Variants in DOCK3 observed in about 807,000 individuals in gnomAD.
DOCK3 encodes the protein dedicator of cytokinesis protein 3.
A neutral mutation model predicts 265.6 loss-of-function variants in DOCK3; 60 were observed. That is an observed-to-expected ratio of 0.23 (90% CI 0.18 to 0.28). The LOEUF (loss-of-function observed/expected upper bound fraction) is 0.28. Among genes scored for constraint, DOCK3 ranks in the 10% least tolerant of loss-of-function variants. The pLI is 1.00. For missense variants in DOCK3, 1,981 were observed against 2,594.3 expected (o/e 0.76, Z 5.14); for synonymous variants, 881 against 938.0 (o/e 0.94, Z 1.11).
rs1311210328 is a variant in DOCK3 at position 51,116,130 on chromosome 3, CT to C, written c.746+25752del. Among the ~76,000 whole-genome samples the C allele has an allele frequency of 2.0e-5, 3 of 152,012 alleles. No individual in the cohort carries two copies. The East Asian group carries it at 5.8e-4, about 29-fold the overall frequency. ...TAGAATTGTCTTGGCTATATGGGCTCTTTTTTGGTTCCATATGAAACTTAAA... is the reference window on the plus strand; with the variant it reads ...TAGAATTGTCTTGGCTATATGGGCTCTTTTTGGTTCCATATGAAACTTAAA... On this transcript the variant is annotated intron_variant, in intron 9 of 52. Coordinates refer to ENST00000266037, the MANE Select transcript of DOCK3 (RefSeq NM_004947.5).
chr3:50,874,856 T>C (rs1466515339), intron 3 of DOCK3, among the ~76,000 whole-genome samples: 1 of 152,152 alleles, frequency 6.6e-6, no homozygotes, highest in Non-Finnish European at 1.5e-5. Context: ...TTTAGGTTTC[T>C]CTAAATATAA....
chr3:50,801,659 G>A (rs1249522392), intron 2 of DOCK3, among the ~76,000 whole-genome samples: 1 of 152,154 alleles, frequency 6.6e-6, no homozygotes, highest in Non-Finnish European at 1.5e-5. Flanking sequence ...CTGATGAGGA[G>A]AATGTGTATT....
At chr3:50,820,812 C>A (rs1449561497) in intron 2 of DOCK3, among the ~76,000 whole-genome samples, 1 of 147,638 alleles carries the variant, frequency 6.8e-6, no homozygotes, top group African/African-American at 2.5e-5. Flanking sequence ...TTCTCCACAG[C>A]CTTGCTGGCA....
intron 1 of DOCK3, among the ~76,000 whole-genome samples, chr3:50,689,923 T>A (rs1057037682): frequency 9.9e-5 from 15 of 152,198 alleles, no homozygotes; most frequent in African/African-American, 3.4e-4. Context: ...TGTGGTTGTC[T>A]TTTCACTCAC....
At chr3:51,253,484 C>T (rs912376009) in intron 22 of DOCK3, among the ~76,000 whole-genome samples, 25 of 152,128 alleles carry the variant, frequency 1.6e-4, no homozygotes, top group African/African-American at 3.9e-4. Context: ...GCTGTGAATA[C>T]GTCTAGTCCT....
intron 19 of DOCK3, among the ~76,000 whole-genome samples, chr3:51,233,358 CTATT>C (rs771753831): frequency 7.2e-4 from 44 of 61,172 alleles, no homozygotes; most frequent in Middle Eastern, 8.3e-3. Flanking sequence ...ATCTATCTAT[CTATT>C]TATTTATTTA....
chr3:51,109,304 A>T (rs766902583), intron 9 of DOCK3, among the ~76,000 whole-genome samples: 8 of 152,192 alleles, frequency 5.3e-5, no homozygotes, highest in Non-Finnish European at 7.3e-5. Context: ...TTAAGGTGGA[A>T]ATCAAGTTCT....
At chr3:51,159,438 T>A (rs2086022465) in intron 11 of DOCK3, 134 bp downstream of exon 11, 1 of 751,088 alleles carries the variant, frequency 1.3e-6, no homozygotes, top group South Asian at 2.1e-5. Context: ...CCAGCTTGTA[T>A]TGAAGCTATA....
chr3:50,962,065 A>G (rs950922409), intron 5 of DOCK3, among the ~76,000 whole-genome samples: 8 of 151,886 alleles, frequency 5.3e-5, no homozygotes, highest in African/African-American at 1.7e-4. Flanking sequence ...GGTTTGTTAC[A>G]TAGGTATACA....
At position 51,000,141 on chromosome 3, in the gene DOCK3, T is replaced by G. The variant is rs2078424144; in HGVS notation, c.316-64307T>G. Reference sequence around the variant, plus strand: ...ATGTCCTAATTTCCCATGGAATCTTTCTCAGGTTTTTGCTTCTGGACCTTG... The same window carrying G: ...ATGTCCTAATTTCCCATGGAATCTTGCTCAGGTTTTTGCTTCTGGACCTTG... On this transcript the variant is annotated intron_variant, in intron 5 of 52. Transcript: ENST00000266037. Among the ~76,000 whole-genome samples, 3 of 152,194 alleles carry G rather than the reference T, an allele frequency of 2.0e-5. No homozygotes were observed. The South Asian group carries it at 6.2e-4, about 31-fold the overall frequency.
chr3:50,702,340 A>G (rs1253859076), intron 1 of DOCK3, among the ~76,000 whole-genome samples: 4 of 151,912 alleles, frequency 2.6e-5, no homozygotes, highest in Non-Finnish European at 5.9e-5. Flanking sequence ...TAGCTGGTTC[A>G]TTAGTGGCAT....
At chr3:51,134,549 CTG>C (rs376004314) in intron 9 of DOCK3, among the ~76,000 whole-genome samples, 1 of 152,150 alleles carries the variant, frequency 6.6e-6, no homozygotes, top group African/African-American at 2.4e-5. Context: ...CTCAAACAAA[CTG>C]TGTGCCTCCA....
At chr3:51,162,595 T>C (rs2086192060) in intron 12 of DOCK3, among the ~76,000 whole-genome samples, 1 of 152,222 alleles carries the variant, frequency 6.6e-6, no homozygotes, top group Admixed American at 6.5e-5. Flanking sequence ...CTGTATTCCT[T>C]CCAAGGGCAA....
chr3:51,296,520 G>T, intron 27 of DOCK3, among the ~76,000 whole-genome samples: 1 of 147,000 alleles, frequency 6.8e-6, no homozygotes, highest in Non-Finnish European at 1.5e-5. Context: ...TCTGTTGCCT[G>T]GGCTGGAGTG....
At chr3:51,331,191 ATCT>A (rs1290516136) in intron 33 of DOCK3, among the ~76,000 whole-genome samples, 1 of 152,196 alleles carries the variant, frequency 6.6e-6, no homozygotes, top group Non-Finnish European at 1.5e-5. Context: ...GAGGGCCCAG[ATCT>A]TCTAATTTAA....
chr3:50,845,180 G>A (rs2046022209), intron 3 of DOCK3, among the ~76,000 whole-genome samples: 11 of 152,010 alleles, frequency 7.2e-5, no homozygotes, highest in Admixed American at 7.2e-4. Context: ...CCGAGATCTC[G>A]TGGACAACAA....
intron 4 of DOCK3, among the ~76,000 whole-genome samples, chr3:50,921,948 C>T (rs574356129): frequency 7.2e-5 from 11 of 152,288 alleles, no homozygotes; most frequent in East Asian, 3.9e-4. Flanking sequence ...TGGCTGTATT[C>T]GGTGTCAGTC....
intron 6 of DOCK3, 50 bp downstream of exon 6, chr3:51,064,646 C>T (rs902526952): frequency 1.3e-6 from 2 of 1,599,378 alleles, no homozygotes; most frequent in African/African-American, 2.7e-5. Context: ...TATGATAACT[C>T]AGTCTTCAGG....
chr3:51,260,083 C>T (rs896114649), intron 22 of DOCK3, 73 bp from the exon 23 acceptor site: 25 of 1,468,504 alleles, frequency 1.7e-5, no homozygotes, highest in Non-Finnish European at 1.9e-5. Context: ...TTACTTTGCC[C>T]CTTGTTTCCT....
Sources: gnomAD v4.1 joint callset for allele counts (sites outside exome capture counted in the v4.1 genomes callset) on GRCh38, gnomAD v4.1.1 for gene constraint, MANE v1.5 for transcripts, NCBI Gene and HGNC (gene_info 2026-07-23, HGNC 2026-07-21) for gene names.